The following GDI2 variants were observed in gnomAD, a reference collection of about 807,000 sequenced individuals.
GDI2 encodes rab GDP dissociation inhibitor beta.
GDI2 carries 22 observed loss-of-function variants against 54.2 expected under a neutral mutation model. The ratio of observed to expected loss-of-function variants is 0.41; its 90% CI spans 0.29 to 0.58. The LOEUF is 0.58. Ranked by LOEUF, GDI2 falls within the 20% of genes least tolerant of loss-of-function variation. The probability of loss-of-function intolerance (pLI) is 0.35; values close to 1 mark genes in which losing one functional copy is unlikely to be tolerated. For synonymous variants in GDI2, 177 were observed against 182.1 expected (o/e 0.97, Z 0.23); for missense variants, 422 against 546.0 (o/e 0.77, Z 2.26).
intron 1 of GDI2, among the ~76,000 whole-genome samples, chr10:5,804,801 C>G (rs1841341359): frequency 6.6e-6 from 1 of 151,016 alleles, no homozygotes; most frequent in Non-Finnish European, 1.5e-5. Flanking sequence ...ACCAGAACGT[C>G]TACATAACCT....
In GDI2 at chr10:5,776,662, T is replaced by C; in HGVS notation, c.720-2721A>G. On this transcript the variant is annotated intron_variant, in intron 6 of 10. Coordinates refer to ENST00000380191, the MANE Select transcript of GDI2 (RefSeq NM_001494.4). This position sits in a 1 kb window ranked among gnomAD's most constrained non-coding sequence, Gnocchi z 5.3. ...AAAAGGAGCTGGATGTAGATGCTGA[T>C]TTTGTAGAAAAGTCAGAGTTATGGA... is the stretch of plus-strand genomic sequence containing the variant. 6.8e-7 allele frequency: 1 copy of C among 1,472,454 alleles called. No individual in the cohort carries two copies. The highest frequency in any genetic ancestry group is 9.5e-7 in the Non-Finnish European group (1 of 1,057,250). The allele number at this position is 1,472,454 out of a possible 1,614,324, so 91.2% of individuals were successfully genotyped here. A position where few individuals can be genotyped will look rare whatever the true frequency, so the allele number is the denominator to read the frequency against.
chr10:5,775,448 G>C (rs1312793852), intron 6 of GDI2, among the ~76,000 whole-genome samples: 1 of 152,156 alleles, frequency 6.6e-6, no homozygotes, highest in Non-Finnish European at 1.5e-5. Context: ...CCTAGTCCTT[G>C]CAACATGGTA....
intron 1 of GDI2, among the ~76,000 whole-genome samples, chr10:5,806,025 G>A (rs1029118871): frequency 6.6e-6 from 1 of 152,090 alleles, no homozygotes; most frequent in African/African-American, 2.4e-5. Context: ...CAACATTCTC[G>A]CATGTGTCTT....
chr10:5,805,845 C>T (rs1841367919), intron 1 of GDI2, among the ~76,000 whole-genome samples: 1 of 152,230 alleles, frequency 6.6e-6, no homozygotes, highest in African/African-American at 2.4e-5. Flanking sequence ...TTCCGCATTT[C>T]TGGTAAATTC....
intron 6 of GDI2, among the ~76,000 whole-genome samples, chr10:5,780,989 TA>T (rs1840741721): frequency 6.6e-6 from 1 of 152,118 alleles, no homozygotes; most frequent in South Asian, 2.1e-4. Flanking sequence ...CTTCAAGACT[TA>T]ATATAAAACT....
In GDI2 at chr10:5,783,292, T is replaced by C. The variant is rs1840802839; in HGVS notation, c.719+1850A>G. Among the ~76,000 whole-genome samples the C allele has an allele frequency of 2.7e-5, 4 of 147,690 alleles. No homozygotes were observed. The Admixed American group carries it at 2.8e-4, about 10-fold the overall frequency. ...TACTTCTGCTCGCTTCTGGTGTCCA[T>C]TTACATGAAATATATTTTTCCACCC... is the stretch of plus-strand genomic sequence containing the variant. On this transcript the variant is annotated intron_variant, in intron 6 of 10. Transcript: ENST00000380191.
rs1376369888 is a variant in GDI2 at position 5,774,629 on chromosome 10, TC to T, written c.720-689del. 6.6e-6 allele frequency among the ~76,000 whole-genome samples: 1 copy of T among 152,114 alleles called. No homozygotes were observed. The highest frequency in any genetic ancestry group is 2.4e-5 in the African/African-American group (1 of 41,390). ...CTCGCTCACCCTGATGGATGGCTCT[TC>T]GGGGTCCACACTGAGCAGACCTGAG... On this transcript the variant is annotated intron_variant, in intron 6 of 10. Transcript: ENST00000380191. The surrounding 1 kb of genome is among the most constrained non-coding windows in gnomAD (Gnocchi z 4.8).
chr10:5,801,451 T>G lies in GDI2; in HGVS notation c.46-746A>C, dbSNP rs114890495. Among the ~76,000 whole-genome samples the G allele has an allele frequency of 3.6e-3, 547 of 150,626 alleles. 3 individuals carry two copies. The highest frequency in any genetic ancestry group is 0.013 in the African/African-American group (520 of 40,968). On this transcript the variant is annotated intron_variant, in intron 1 of 10. Coordinates refer to ENST00000380191, the MANE Select transcript of GDI2 (RefSeq NM_001494.4). The stretch of plus-strand genomic sequence containing the variant: ...CAGCACTTTGGGAAGCCAGGGGAGG[T>G]GGATCACCTGAGGTCAGAAGAGCAA...
chr10:5,768,167 A>G lies in GDI2; in HGVS notation c.991+46T>C, dbSNP rs760159981. On this transcript the variant is annotated intron_variant, in intron 8 of 10. Transcript: ENST00000380191. This position sits in a 1 kb window ranked among gnomAD's most constrained non-coding sequence, Gnocchi z 4.4. ...TTTGGGATAAAACACAAAGCAAATT[A>G]TATCTTACAAAATTCTACCAACATC... 6.6e-7 allele frequency: 1 copy of G among 1,514,380 alleles called. No individual in the cohort carries two copies. The highest frequency in any genetic ancestry group is 9.1e-7 in the Non-Finnish European group (1 of 1,093,436). The allele number at this position is 1,514,380 out of a possible 1,614,324, so 93.8% of individuals were successfully genotyped here. A position where few individuals can be genotyped will look rare whatever the true frequency, so the allele number is the denominator to read the frequency against.
chr10:5,773,581 C>G (rs1238399603), intron 7 of GDI2, among the ~76,000 whole-genome samples: 2 of 152,150 alleles, frequency 1.3e-5, no homozygotes, highest in East Asian at 3.8e-4. Context: ...AGGCACAACC[C>G]AAACTCTATA....
chr10:5,801,552 T>C (rs1443603045), intron 1 of GDI2, among the ~76,000 whole-genome samples: 1 of 152,112 alleles, frequency 6.6e-6, no homozygotes, highest in Non-Finnish European at 1.5e-5. Context: ...GGCACATGCC[T>C]GTAATCCTAG....
chr10:5,794,162 G>T (rs1841079372), intron 4 of GDI2, among the ~76,000 whole-genome samples: 1 of 78,570 alleles, frequency 1.3e-5, no homozygotes, highest in African/African-American at 5.3e-5. Flanking sequence ...GCGAGACTCT[G>T]TCTTTAAAAG....
At chr10:5,787,502 C>T (rs1381709065) in intron 4 of GDI2, among the ~76,000 whole-genome samples, 4 of 150,422 alleles carry the variant, frequency 2.7e-5, no homozygotes, top group Non-Finnish European at 4.4e-5. Flanking sequence ...AGTGAGACTC[C>T]GTCTCAAAAA....
chr10:5,797,618 G>A lies in GDI2; in HGVS notation c.154-756C>T, dbSNP rs376072734. ...TAAGCCCAGCTACTCGAGAGGCTGA[G>A]GCAGGAGAATCACATGAATCTGGGA... On this transcript the variant is annotated intron_variant, in intron 2 of 10. Coordinates refer to ENST00000380191, the MANE Select transcript of GDI2 (RefSeq NM_001494.4). Among the ~76,000 whole-genome samples, 323 of 139,546 alleles carry A rather than the reference G, an allele frequency of 2.3e-3. 3 individuals carry two copies. Among genetic ancestry groups the A allele is most frequent in the African/African-American group, 8.3e-3 (308 of 37,126 alleles). 91.5% of individuals were successfully genotyped at this position (139,546 alleles called of 152,430 possible). A position where few individuals can be genotyped will look rare whatever the true frequency, so the allele number is the denominator to read the frequency against.
intron 2 of GDI2, among the ~76,000 whole-genome samples, chr10:5,799,705 C>G (rs1218109463): frequency 6.6e-6 from 1 of 152,108 alleles, no homozygotes; most frequent in Non-Finnish European, 1.5e-5. Flanking sequence ...CAAACAGCTA[C>G]GTAAGAGATT....
At chr10:5,812,577 C>T (rs1306796929) in intron 1 of GDI2, among the ~76,000 whole-genome samples, 2 of 152,128 alleles carry the variant, frequency 1.3e-5, no homozygotes, top group Non-Finnish European at 2.9e-5. Flanking sequence ...TCTACAGATG[C>T]TCAGTAAGTG....
intron 3 of GDI2, among the ~76,000 whole-genome samples, chr10:5,795,255 G>C (rs1290843882): frequency 6.6e-6 from 1 of 152,094 alleles, no homozygotes; most frequent in Non-Finnish European, 1.5e-5. Flanking sequence ...TGACGCTCCT[G>C]AGTACCTGGC....
intron 6 of GDI2, among the ~76,000 whole-genome samples, chr10:5,782,984 A>C (rs1840794486): frequency 6.6e-6 from 1 of 152,246 alleles, no homozygotes; most frequent in Non-Finnish European, 1.5e-5. Flanking sequence ...ATCTCAAAAA[A>C]TGAAAAAGAC....
At chr10:5,781,553 A>G (rs796752868) in intron 6 of GDI2, among the ~76,000 whole-genome samples, 6 of 146,960 alleles carry the variant, frequency 4.1e-5, no homozygotes, top group African/African-American at 1.5e-4. Context: ...TGAACCCAGG[A>G]GGCAGAGCTT....
Sources: allele counts gnomAD v4.1 joint callset (sites outside exome capture counted in the v4.1 genomes callset), GRCh38; gene constraint gnomAD v4.1.1; non-coding constraint Gnocchi (gnomAD v3.1); transcripts MANE v1.5; gene names NCBI Gene and HGNC (gene_info 2026-07-23, HGNC 2026-07-21).